The following ST6GALNAC3 variants were observed in gnomAD, a reference collection of about 807,000 sequenced individuals.
ST6GALNAC3 encodes ST6 N-acetylgalactosaminide alpha-2,6-sialyltransferase 3.
In ST6GALNAC3, 25 loss-of-function variants were observed where a neutral mutation model predicts 32.7. That is an observed-to-expected ratio of 0.76 (90% CI 0.56 to 1.07). ST6GALNAC3 has a LOEUF of 1.07. Among genes scored for constraint, ST6GALNAC3 ranks in the 50% least tolerant of loss-of-function variants. ST6GALNAC3 has a pLI of 0.00. For missense variants in ST6GALNAC3, 355 were observed against 382.4 expected (o/e 0.93, Z 0.60); for synonymous variants, 129 against 133.1 (o/e 0.97, Z 0.21).
intron 1 of ST6GALNAC3, among the ~76,000 whole-genome samples, chr1:76,166,418 G>A (rs1219966323): frequency 2.0e-5 from 3 of 152,130 alleles, no homozygotes; most frequent in Admixed American, 2.0e-4. Context: ...AGTACAGTTT[G>A]AAGTCCAGTA....
At chr1:76,304,971 C>T (rs1306751515) in intron 1 of ST6GALNAC3, among the ~76,000 whole-genome samples, 1 of 151,988 alleles carries the variant, frequency 6.6e-6, no homozygotes, top group Non-Finnish European at 1.5e-5. Context: ...TATAAGGTAG[C>T]TGAGAATTAA....
chr1:76,411,372 G>T (rs1654225848), intron 2 of ST6GALNAC3, among the ~76,000 whole-genome samples: 1 of 152,090 alleles, frequency 6.6e-6, no homozygotes, highest in Admixed American at 6.6e-5. Context: ...CATCTAAAAG[G>T]AGGCCTTTCC....
intron 1 of ST6GALNAC3, among the ~76,000 whole-genome samples, chr1:76,134,841 T>C (rs1052285708): frequency 6.6e-6 from 1 of 152,190 alleles, no homozygotes; most frequent in Non-Finnish European, 1.5e-5. Context: ...CATTTTGCCA[T>C]TATAAAAGTA....
intron 1 of ST6GALNAC3, among the ~76,000 whole-genome samples, chr1:76,113,308 CG>C (rs1394926586): frequency 8.0e-6 from 1 of 124,814 alleles, no homozygotes; most frequent in Non-Finnish European, 1.6e-5. Flanking sequence ...AGCTTCCGCT[CG>C]GCATCAGAGG....
At chr1:76,243,205 T>C (rs1487867047) in intron 1 of ST6GALNAC3, among the ~76,000 whole-genome samples, 1 of 152,178 alleles carries the variant, frequency 6.6e-6, no homozygotes, top group Non-Finnish European at 1.5e-5. Context: ...CTAATGACCA[T>C]GATAATGAGC....
At chr1:76,198,047 GTTTGT>G (rs1654307117) in intron 1 of ST6GALNAC3, among the ~76,000 whole-genome samples, 1 of 152,018 alleles carries the variant, frequency 6.6e-6, no homozygotes, top group Non-Finnish European at 1.5e-5. Flanking sequence ...TTATTTGTTT[GTTTGT>G]TCTGAGACAG....
rs372166947 is a variant in ST6GALNAC3 at position 76,400,824 on chromosome 1, GGCAGAGGCT to G, written c.214-11179_214-11171del. On this transcript the variant is annotated intron_variant, in intron 2 of 4. Coordinates refer to ENST00000328299, the MANE Select transcript of ST6GALNAC3 (RefSeq NM_152996.4). ...GCAGGAGAACTGCTTGAACCTGGGA[GGCAGAGGCT>G]GCAGTGAGCTGAGATCGCACCACTG... is the stretch of plus-strand genomic sequence containing the variant. Among the ~76,000 whole-genome samples the G allele has an allele frequency of 7.7e-3, 1,178 of 152,140 alleles. 15 individuals carry two copies. Among genetic ancestry groups the G allele is most frequent in the African/African-American group, 0.027 (1,104 of 41,486 alleles).
chr1:76,381,168 TAAAA>T (rs71852050), intron 2 of ST6GALNAC3, among the ~76,000 whole-genome samples: 1 of 90,294 alleles, frequency 1.1e-5, no homozygotes, highest in Non-Finnish European at 2.4e-5. Flanking sequence ...TTTGGGCTGC[TAAAA>T]AAAAAAAAAA....
rs1458629698 is a variant in ST6GALNAC3 at position 76,509,634 on chromosome 1, A to C, written c.623+97217A>C. On this transcript the variant is annotated intron_variant, in intron 3 of 4. Transcript: ENST00000328299. This position sits in a 1 kb window ranked among gnomAD's most constrained non-coding sequence, Gnocchi z 5.5. ...AAAACAACACAAAGTTATTTTATAC[A>C]GTTCGAAGTTAGAAGTCTAAAATGG... is the stretch of plus-strand genomic sequence containing the variant. Among the ~76,000 whole-genome samples the C allele has an allele frequency of 6.6e-6, 1 of 152,220 alleles. No homozygotes were observed. The highest frequency in any genetic ancestry group is 2.4e-5 in the African/African-American group (1 of 41,456).
At chr1:76,565,897 A>C (rs1185742243) in intron 3 of ST6GALNAC3, among the ~76,000 whole-genome samples, 1 of 152,196 alleles carries the variant, frequency 6.6e-6, no homozygotes, top group Admixed American at 6.5e-5. Context: ...CAAAATTGTT[A>C]TCTCTATCAT....
chr1:76,365,835 T>A (rs1650323228), intron 2 of ST6GALNAC3, among the ~76,000 whole-genome samples: 1 of 152,174 alleles, frequency 6.6e-6, no homozygotes, highest in African/African-American at 2.4e-5. Context: ...TAACTCATGG[T>A]TATAGTTTTT....
At chr1:76,538,663 T>G (rs2100266194) in intron 3 of ST6GALNAC3, among the ~76,000 whole-genome samples, 1 of 152,264 alleles carries the variant, frequency 6.6e-6, no homozygotes, top group Admixed American at 6.5e-5. Flanking sequence ...ATAAGCAATT[T>G]CAGCAGTCTG....
chr1:76,564,797 A>G (rs990434100), intron 3 of ST6GALNAC3, among the ~76,000 whole-genome samples: 10 of 151,886 alleles, frequency 6.6e-5, no homozygotes, highest in African/African-American at 2.4e-4. Context: ...GTTAGCCAGG[A>G]TGGTCTCGAT....
intron 1 of ST6GALNAC3, among the ~76,000 whole-genome samples, chr1:76,273,784 A>T (rs1252289602): frequency 6.6e-6 from 1 of 152,234 alleles, no homozygotes; most frequent in East Asian, 1.9e-4. Context: ...TTTTGGTAGC[A>T]ATCTAAATAT....
At chr1:76,089,864 G>T (rs1647019859) in intron 1 of ST6GALNAC3, among the ~76,000 whole-genome samples, 1 of 151,812 alleles carries the variant, frequency 6.6e-6, no homozygotes. Flanking sequence ...CCTACAATGT[G>T]GCAGATGAAC....
chr1:76,445,576 A>G (rs1656913902), intron 3 of ST6GALNAC3, among the ~76,000 whole-genome samples: 1 of 152,200 alleles, frequency 6.6e-6, no homozygotes. Context: ...AACAATATGT[A>G]CTATTGTGAC....
intron 1 of ST6GALNAC3, among the ~76,000 whole-genome samples, chr1:76,293,854 G>A (rs566553308): frequency 1.3e-5 from 2 of 152,188 alleles, no homozygotes; most frequent in African/African-American, 4.8e-5. Flanking sequence ...ATAAGTAGAA[G>A]TGTGTGTGTA....
At chr1:76,538,100 C>T (rs1663737521) in intron 3 of ST6GALNAC3, among the ~76,000 whole-genome samples, 1 of 152,166 alleles carries the variant, frequency 6.6e-6, no homozygotes, top group Non-Finnish European at 1.5e-5. Flanking sequence ...CCGTGATGAA[C>T]ATCGACACAA....
In ST6GALNAC3 at chr1:76,629,775, C is replaced by T; in HGVS notation, c.*969C>T. The T allele has an allele frequency of 3.1e-6, 3 of 971,992 alleles. No individual in the cohort carries two copies. Among genetic ancestry groups the T allele is most frequent in the Non-Finnish European group, 3.7e-6 (3 of 817,576 alleles). The allele number at this position is 971,992 out of a possible 1,614,324, so 60.2% of individuals were successfully genotyped here. A position where few individuals can be genotyped will look rare whatever the true frequency, so the allele number is the denominator to read the frequency against. ...GCATATTTTTACATCAATTTGTATC[C>T]TATCATACTTCATAATATATATTTG... On this transcript the variant is annotated 3_prime_UTR_variant, in exon 5 of 5. Coordinates refer to ENST00000328299, the MANE Select transcript of ST6GALNAC3 (RefSeq NM_152996.4).
Sources: gnomAD v4.1 joint callset for allele counts (sites outside exome capture counted in the v4.1 genomes callset) on GRCh38, gnomAD v4.1.1 for gene constraint, Gnocchi (gnomAD v3.1) non-coding constraint, MANE v1.5 for transcripts, NCBI Gene and HGNC (gene_info 2026-07-23, HGNC 2026-07-21) for gene names.